Variants in ZNF518B observed in about 807,000 individuals in gnomAD.
ZNF518B encodes zinc finger protein 518B.
A neutral mutation model predicts 56.3 loss-of-function variants in ZNF518B; 23 were observed. That is an observed-to-expected ratio of 0.41 (90% confidence interval 0.29 to 0.58). The LOEUF is 0.58. Among genes scored for constraint, ZNF518B ranks in the 20% least tolerant of loss-of-function variants. ZNF518B has a pLI of 0.32. For synonymous variants in ZNF518B, 529 were observed against 465.9 expected, an observed-to-expected ratio of 1.14 and a Z score of -1.74; for missense variants, 1,460 against 1,272.1, an observed-to-expected ratio of 1.15 and a Z score of -2.25.
intron 1 of ZNF518B, among the ~76,000 whole-genome samples, chr4:10,455,586 G>T (rs962742592): frequency 6.6e-6 from 1 of 151,706 alleles, no homozygotes; most frequent in East Asian, 1.9e-4. Context: ...CTTACTTAAA[G>T]GCAAATAAAT....
chr4:10,453,062 G>A (rs1715387839), intron 2 of ZNF518B: 1 of 152,164 alleles, frequency 6.6e-6, no homozygotes, highest in Non-Finnish European at 1.5e-5. Context: ...CTAGGTGTTT[G>A]GTTTACTAGC....
chr4:10,458,185 AAAG>A (rs1334140625), upstream of ZNF518B, among the ~76,000 whole-genome samples: 10 of 152,328 alleles, frequency 6.6e-5, no homozygotes, highest in Admixed American at 2.6e-4. Flanking sequence ...CTCTAAGAGG[AAAG>A]AAGAAGACCA....
At chr4:10,450,450 G>T (rs1411591734) in intron 2 of ZNF518B, among the ~76,000 whole-genome samples, 1 of 152,202 alleles carries the variant, frequency 6.6e-6, no homozygotes, top group Non-Finnish European at 1.5e-5. Context: ...ATGCATCTCA[G>T]ATGTAATACT....
chr4:10,451,344 G>GT (rs1482650511), intron 2 of ZNF518B: 7 of 152,240 alleles, frequency 4.6e-5, no homozygotes, highest in Non-Finnish European at 7.4e-5. Flanking sequence ...GAAGTAAGTG[G>GT]TAACATAGTG....
chr4:10,458,777 G>A (rs1206873125), upstream of ZNF518B, among the ~76,000 whole-genome samples: 1 of 152,168 alleles, frequency 6.6e-6, no homozygotes, highest in African/African-American at 2.4e-5. Context: ...GTCAAGTTGG[G>A]AAAGGCATTG....
At chr4:10,460,040 C>T (rs879824902), upstream of ZNF518B, among the ~76,000 whole-genome samples, 50 of 152,038 alleles carry the variant, frequency 3.3e-4, no homozygotes, top group Admixed American at 3.1e-3. Context: ...CGCAGTAGCT[C>T]ATGCCTGTAA....
chr4:10,445,101 C>A lies in ZNF518B; in HGVS notation c.1228G>T (p.Gly410Trp), dbSNP rs144393783. The change falls in exon 3 of 3, where the codon GGG becomes TGG. Residue 410 changes from glycine to tryptophan, a missense_variant. Gly to Trp is a radical substitution (Grantham distance 184). Coordinates refer to ENST00000326756, the MANE Select transcript of ZNF518B (RefSeq NM_053042.3). ...ATGCCTACGAGTTTTCCAACATTCC[C>A]GTCAACTGTCAGTGACTTTGTTTTT... ...AEKTKSLTVD[G>W]NVGKLVGIDS... 1.5e-5 allele frequency: 24 copies of A among 1,614,072 alleles called. No individual in the cohort carries two copies. Among genetic ancestry groups the A allele is most frequent in the Non-Finnish European group, 2.0e-5 (24 of 1,180,014 alleles).
intron 2 of ZNF518B, chr4:10,450,877 A>T (rs1007257192): frequency 7.2e-5 from 11 of 152,252 alleles, no homozygotes; most frequent in African/African-American, 2.4e-4. Flanking sequence ...ACAGAAAAGA[A>T]TACCATTAAT....
Position 10,446,252 on chromosome 4 carries a change from T to C in ZNF518B, c.77A>G (p.Gln26Arg). The C allele has an allele frequency of 1.9e-6, 3 of 1,614,216 alleles. No individual in the cohort carries two copies. Among genetic ancestry groups the C allele is most frequent in the Non-Finnish European group, 2.5e-6 (3 of 1,180,040 alleles). ...CCGAGGTGCTCCATTAGCATCAGGC[T>C]GTTTGGGTGACATGGTCAAGGAATT... Reference protein sequence around the residue: ...GHNSLTMSPKQPDANGAPRPN... With the variant: ...GHNSLTMSPKRPDANGAPRPN... Residue 26 changes from glutamine to arginine, a missense_variant, in exon 3 of 3, where the codon CAG becomes CGG. Physicochemically the swap from Gln to Arg is conservative, Grantham distance 43. Coordinates refer to ENST00000326756, the MANE Select transcript of ZNF518B (RefSeq NM_053042.3).
chr4:10,453,762 A>T (rs1021269873), intron 2 of ZNF518B: 2 of 151,866 alleles, frequency 1.3e-5, no homozygotes, highest in Non-Finnish European at 2.9e-5. Flanking sequence ...TTGCAGAAAG[A>T]AATGGATTCA....
At chr4:10,452,283 C>G (rs1715352101) in intron 2 of ZNF518B, 1 of 152,102 alleles carries the variant, frequency 6.6e-6, no homozygotes, top group African/African-American at 2.4e-5. Flanking sequence ...AGGAATAATG[C>G]TTTACCGTAA....
Position 10,444,195 on chromosome 4 carries a change from C to T in ZNF518B, c.2134G>A (p.Val712Met), listed in dbSNP as rs756924151. ...ATSEGIQEIN[V>M]SLTGLGHSTG... ...GAATGGCCAAGACCAGTGAGTGACA[C>T]GTTGATTTCTTGAATACCTTCAGAG... is the stretch of plus-strand genomic sequence containing the variant. The change falls in exon 3 of 3, where the codon GTG (valine) becomes ATG (methionine). Residue 712 changes from valine to methionine, a missense_variant. Coordinates refer to ENST00000326756, the MANE Select transcript of ZNF518B (RefSeq NM_053042.3). 74 of 1,614,042 alleles carry T rather than the reference C, an allele frequency of 4.6e-5. No individual in the cohort carries two copies. In the South Asian group the frequency reaches 5.2e-4, roughly 11 times the overall value.
At position 10,443,759 on chromosome 4, in the gene ZNF518B, A is replaced by C. The variant is rs1714802475; in HGVS notation, c.2570T>G (p.Ile857Ser). The C allele has an allele frequency of 1.2e-6, 2 of 1,614,030 alleles. No homozygotes were observed. Among genetic ancestry groups the C allele is most frequent in the African/African-American group, 2.7e-5 (2 of 74,920 alleles). The change falls in exon 3 of 3, where the codon ATC (isoleucine) becomes AGC (serine). Residue 857 changes from isoleucine (I) to serine (S), a missense_variant. Transcript: ENST00000326756. ...LRKESAVCST[I>S]HRKTGLLYGQ... ...ATACAAGAGGCCAGTTTTTCTATGG[A>C]TGGTGCTACAGACAGCACTCTCTTT...
chr4:10,460,325 C>CAAA (rs1043723933), upstream of ZNF518B, among the ~76,000 whole-genome samples: 609 of 57,544 alleles, frequency 0.011, 118 homozygotes, highest in African/African-American at 0.023. Context: ...AAAAAAAAAC[C>CAAA]AAAAAAAAAA....
chr4:10,450,982 G>T (rs4426767), intron 2 of ZNF518B: 151,265 of 152,358 alleles, frequency 0.99, 75,104 homozygotes, highest in East Asian at 1. Flanking sequence ...TGTAGAATAA[G>T]GTACAGCATG....
intron 1 of ZNF518B, among the ~76,000 whole-genome samples, chr4:10,456,474 C>T (rs1715531714): frequency 6.6e-6 from 1 of 152,130 alleles, no homozygotes; most frequent in Non-Finnish European, 1.5e-5. Flanking sequence ...CAATTCAAAC[C>T]TTCACCATCT....
intron 1 of ZNF518B, among the ~76,000 whole-genome samples, chr4:10,455,385 G>A (rs1212163170): frequency 6.6e-6 from 1 of 152,114 alleles, no homozygotes; most frequent in African/African-American, 2.4e-5. Context: ...AATCATGATT[G>A]GGGAAACCCT....
Position 10,446,302 on chromosome 4 carries a change from G to A in ZNF518B, c.27C>T (p.Tyr9=), listed in dbSNP as rs76327980. 3.4e-4 allele frequency: 547 copies of A among 1,613,194 alleles called. 1 individual carries two copies. The African/African-American group carries it at 6.7e-3, about 20-fold the overall frequency. ...TATGTCCGCCGTTCAAGTGTGTAGT[G>A]TATAGCTGCTGTCCAATATCCTTCA... is the stretch of plus-strand genomic sequence containing the variant. MKDIGQQL[Y]TTHLNGGHNS... is the part of the protein sequence containing the mutation. The change falls in exon 3 of 3, where the codon TAC becomes TAT. Residue 9 remains tyrosine, a synonymous_variant. Transcript: ENST00000326756.
At chr4:10,452,105 C>T (rs1473011596) in intron 2 of ZNF518B, 3 of 152,130 alleles carry the variant, frequency 2.0e-5, no homozygotes, top group Admixed American at 6.5e-5. Flanking sequence ...CCCCAAAGTC[C>T]GCCTTTGAAT....
Sources: allele counts gnomAD v4.1 joint callset (sites outside exome capture counted in the v4.1 genomes callset), GRCh38; gene constraint gnomAD v4.1.1; transcripts MANE v1.5; gene names NCBI Gene and HGNC (gene_info 2026-07-23, HGNC 2026-07-21).